Variants in ODF2 observed in about 807,000 individuals in gnomAD.
ODF2 encodes the protein outer dense fiber of sperm tails 2, also known as outer dense fiber protein 2.
In ODF2, 47 loss-of-function variants were observed where a neutral mutation model predicts 110.2. The observed-to-expected ratio is 0.43, with a 90% CI of 0.34 to 0.54. The LOEUF is 0.54. Among genes scored for constraint, ODF2 ranks in the 20% least tolerant of loss-of-function variants. The pLI, the probability that ODF2 is intolerant of heterozygous loss-of-function variation, is 0.03. For synonymous variants in ODF2, 352 were observed against 397.7 expected, an observed-to-expected ratio of 0.89 and a Z score of 1.37; for missense variants, 812 against 1,054.5, an observed-to-expected ratio of 0.77 and a Z score of 3.19.
chr9:128,499,331 GCT>G (rs1846182084), intron 20 of ODF2, among the ~76,000 whole-genome samples: 3 of 152,210 alleles, frequency 2.0e-5, no homozygotes, highest in Non-Finnish European at 4.4e-5. Context: ...TGTCACCCAG[GCT>G]GGAATGCAGT....
At chr9:128,477,273 G>C (rs1434566235) in intron 8 of ODF2, among the ~76,000 whole-genome samples, 1 of 151,628 alleles carries the variant, frequency 6.6e-6, no homozygotes, top group Non-Finnish European at 1.5e-5. Flanking sequence ...ATAAGGCCAA[G>C]TGTGGTGGCT....
At chr9:128,471,814 C>T (rs1018851945) in intron 6 of ODF2, among the ~76,000 whole-genome samples, 12 of 151,944 alleles carry the variant, frequency 7.9e-5, no homozygotes, top group African/African-American at 2.4e-4. Context: ...ACATCTTATG[C>T]GAAGGCCCCA....
In ODF2 at chr9:128,474,640, G is replaced by A. The variant is rs10481648; in HGVS notation, c.843+899G>A. Among the ~76,000 whole-genome samples, 1,408 of 146,730 alleles carry A rather than the reference G, an allele frequency of 9.6e-3. 68 individuals are homozygous for A. In the East Asian group the frequency reaches 0.16, roughly 17 times the overall value. ...TGTGCCACTGCACTCCAGCCTCAGC[G>A]ACAGAGCGAGACTCCATCTAAAAAA... On this transcript the variant is annotated intron_variant, in intron 8 of 20. Transcript: ENST00000604420.
chr9:128,470,018 A>AAATAT (rs1554829083), intron 5 of ODF2, among the ~76,000 whole-genome samples: 1 of 16,988 alleles, frequency 5.9e-5, no homozygotes, highest in Non-Finnish European at 9.6e-5. Context: ...AAAAAAAAAA[A>AAATAT]ATATATATAT....
At chr9:128,462,835 C>T (rs539832840) in intron 4 of ODF2, among the ~76,000 whole-genome samples, 3 of 150,128 alleles carry the variant, frequency 2.0e-5, no homozygotes, top group Non-Finnish European at 4.5e-5. Flanking sequence ...CCTCATGATC[C>T]GCCTACCTCA....
At position 128,457,231 on chromosome 9, in the gene ODF2, C is replaced by G. The variant is rs550947678; in HGVS notation, c.-175C>G. On this transcript the variant is annotated 5_prime_UTR_variant, in exon 2 of 21. Coordinates refer to ENST00000604420, the Ensembl canonical transcript of ODF2. ...CTGTGCGACTTGGACAGTAGAGGAGCGCCTCCCAAGTTTTCATCCAACTGC... is the reference window on the plus strand; with the variant it reads ...CTGTGCGACTTGGACAGTAGAGGAGGGCCTCCCAAGTTTTCATCCAACTGC... 12 of 1,586,770 alleles carry G rather than the reference C, an allele frequency of 7.6e-6. No individual in the cohort carries two copies. The South Asian group carries it at 1.3e-4, about 18-fold the overall frequency.
intron 4 of ODF2, among the ~76,000 whole-genome samples, chr9:128,468,222 C>T (rs1838799838): frequency 6.6e-6 from 1 of 152,098 alleles, no homozygotes; most frequent in Non-Finnish European, 1.5e-5. Context: ...TGTAACTAAT[C>T]CACTATCAGC....
chr9:128,484,033 T>G (rs1475017051), exon 11 of ODF2: 1 of 1,612,120 alleles, frequency 6.2e-7, no homozygotes, highest in South Asian at 1.1e-5. Context: ...CTGAGAACAG[T>G]CGCCTGTGCA....
Position 128,472,368 on chromosome 9 carries a change from C to T in ODF2, c.582-545C>T, listed in dbSNP as rs1389837475. ...AATTACAGGTGCCCACTACCATGCC[C>T]GGCTAACTTTTGTATTTTTAGTAGA... On this transcript the variant is annotated intron_variant, in intron 6 of 20. Transcript: ENST00000604420. 5.9e-5 allele frequency among the ~76,000 whole-genome samples: 9 copies of T among 152,230 alleles called. 1 individual carries two copies. In the East Asian group the frequency reaches 9.7e-4, roughly 16 times the overall value.
rs1840345315 is a variant in ODF2, at chr9:128,472,771, C to T, written c.582-142C>T. ...GCCCTGGTCCTTTCTGAAGGCCACCCAGGCCAGAAGGGCTGTCCCTGCCCC... is the reference window on the plus strand; with the variant it reads ...GCCCTGGTCCTTTCTGAAGGCCACCTAGGCCAGAAGGGCTGTCCCTGCCCC... On this transcript the variant is annotated intron_variant, in intron 6 of 20. Coordinates refer to ENST00000604420, the Ensembl canonical transcript of ODF2. 52 of 1,304,232 alleles carry T rather than the reference C, an allele frequency of 4.0e-5. 1 individual carries two copies. The South Asian group carries it at 7.1e-4, about 18-fold the overall frequency. 80.8% of individuals were successfully genotyped at this position (1,304,232 alleles called of 1,614,324 possible). A position where few individuals can be genotyped will look rare whatever the true frequency, so the allele number is the denominator to read the frequency against.
chr9:128,473,282 T>G (rs1316429710), intron 7 of ODF2: 2 of 981,766 alleles, frequency 2.0e-6, no homozygotes, highest in African/African-American at 1.7e-5. Context: ...GGGATCACAG[T>G]GAGTCAAGGC....
chr9:128,459,524 C>T, intron 2 of ODF2, 43 bp from the exon 2 acceptor site: 5 of 1,455,678 alleles, frequency 3.4e-6, no homozygotes, highest in Non-Finnish European at 4.8e-6. Context: ...ATAAGATTGC[C>T]CTAGTTTTCT....
intron 4 of ODF2, among the ~76,000 whole-genome samples, chr9:128,463,649 C>T (rs985387011): frequency 4.0e-5 from 6 of 151,614 alleles, no homozygotes; most frequent in African/African-American, 1.2e-4. Context: ...AGATGCACAA[C>T]ATATAACATT....
chr9:128,498,585 G>C lies in ODF2; in HGVS notation c.2175+10G>C, dbSNP rs373055702. Reference sequence around the variant, plus strand: ...AGATGCGAGGAGGCAGGTCAGTCCCGATTTCATGAATGACTAGCTCTGTGA... The same window carrying C: ...AGATGCGAGGAGGCAGGTCAGTCCCCATTTCATGAATGACTAGCTCTGTGA... On this transcript the variant is annotated intron_variant, in intron 19 of 20. Coordinates refer to ENST00000604420, the Ensembl canonical transcript of ODF2. 1.9e-5 allele frequency: 27 copies of C among 1,445,866 alleles called. No individual in the cohort carries two copies. The highest frequency in any genetic ancestry group is 2.6e-5 in the Non-Finnish European group (27 of 1,048,032). 89.6% of individuals were successfully genotyped at this position (1,445,866 alleles called of 1,614,324 possible). A position where few individuals can be genotyped will look rare whatever the true frequency, so the allele number is the denominator to read the frequency against.
At chr9:128,478,329 G>A (rs1841748105) in intron 8 of ODF2, among the ~76,000 whole-genome samples, 1 of 151,966 alleles carries the variant, frequency 6.6e-6, no homozygotes, top group Non-Finnish European at 1.5e-5. Context: ...CAGGCATGGC[G>A]GCTCACGCCT....
At chr9:128,497,994 G>C (rs1845952094) in intron 18 of ODF2, 1 of 155,346 alleles carries the variant, frequency 6.4e-6, no homozygotes, top group African/African-American at 2.4e-5. Context: ...AGGCAGCAGT[G>C]AACAGCAGAA....
chr9:128,485,013 T>C lies in ODF2; in HGVS notation c.1290+127T>C, dbSNP rs1269174131. 6.8e-6 allele frequency: 7 copies of C among 1,027,050 alleles called. No individual in the cohort carries two copies. The highest frequency in any genetic ancestry group is 1.0e-5 in the Non-Finnish European group (7 of 685,810). The allele number at this position is 1,027,050 out of a possible 1,614,324, so 63.6% of individuals were successfully genotyped here. On this transcript the variant is annotated intron_variant, in intron 12 of 20. Coordinates refer to ENST00000604420, the Ensembl canonical transcript of ODF2. This position sits in a 1 kb window ranked among gnomAD's most constrained non-coding sequence, Gnocchi z 5.0. ...TGAGGGATGGTAGTGGTGGAAAGGA[T>C]AGATGGCTGGGGAGGAGGGAGAGGG...
intron 20 of ODF2, among the ~76,000 whole-genome samples, 197 bp from the exon 21 acceptor site, chr9:128,499,870 G>C (rs148981020): frequency 3.3e-5 from 5 of 152,190 alleles, no homozygotes; most frequent in African/African-American, 1.2e-4. Flanking sequence ...CTGACCTCCC[G>C]AAGTGTTGGG....
intron 1 of ODF2, chr9:128,456,868 C>G: frequency 7.7e-7 from 1 of 1,301,680 alleles, no homozygotes; most frequent in Non-Finnish European, 9.8e-7. Context: ...CTCCGCGCCT[C>G]CCTCCTTTAA....
Sources: gnomAD v4.1 joint callset for allele counts (sites outside exome capture counted in the v4.1 genomes callset) on GRCh38, gnomAD v4.1.1 for gene constraint, Gnocchi (gnomAD v3.1) non-coding constraint, MANE v1.5 for transcripts, NCBI Gene and HGNC (gene_info 2026-07-23, HGNC 2026-07-21) for gene names.